Variants in RMST observed in about 807,000 individuals in gnomAD.
RMST encodes the protein long intergenic non-protein coding RNA 54.
At chr12:97,512,000 CAGTG>C (rs1351639304) in intron 10 of RMST, among the ~76,000 whole-genome samples, 6 of 152,210 alleles carry the variant, frequency 3.9e-5, no homozygotes, top group Admixed American at 3.9e-4. Context: ...CGGACCCTCG[CAGTG>C]AGTGTTACAG....
chr12:97,503,408 G>A (rs1185266727), intron 10 of RMST, among the ~76,000 whole-genome samples: 6 of 147,842 alleles, frequency 4.1e-5, no homozygotes, highest in African/African-American at 1.5e-4. Context: ...TGAGATTAGA[G>A]AATTTCAAAA....
chr12:97,507,883 A>T (rs1878872267), intron 10 of RMST, among the ~76,000 whole-genome samples: 1 of 152,188 alleles, frequency 6.6e-6, no homozygotes, highest in Admixed American at 6.5e-5. Context: ...AGCTCACATT[A>T]AAAGAAAGTA....
chr12:97,545,409 C>T (rs1274878957), intron 11 of RMST, among the ~76,000 whole-genome samples: 1 of 152,040 alleles, frequency 6.6e-6, no homozygotes, highest in Non-Finnish European at 1.5e-5. Flanking sequence ...AGATGTCCTT[C>T]ACAATGATAA....
intron 3 of RMST, chr12:97,463,102 A>G (rs565864075): frequency 6.6e-6 from 1 of 151,290 alleles, no homozygotes; most frequent in East Asian, 2.0e-4. Flanking sequence ...AAGCACACAC[A>G]TACACAAGCG....
At chr12:97,559,997 T>G (rs1884007432) in intron 11 of RMST, among the ~76,000 whole-genome samples, 1 of 152,192 alleles carries the variant, frequency 6.6e-6, no homozygotes, top group Non-Finnish European at 1.5e-5. Context: ...AAAACAGGAT[T>G]TGTTACCTTG....
intron 13 of RMST, among the ~76,000 whole-genome samples, chr12:97,562,246 C>T (rs1362823132): frequency 6.6e-6 from 1 of 152,202 alleles, no homozygotes; most frequent in Non-Finnish European, 1.5e-5. Context: ...GCTGCCTTCC[C>T]ATGTATCCAC....
rs190677154 is a variant in RMST at position 97,533,290 on chromosome 12, G to A, written n.1545+2431G>A. 3 of 151,908 alleles carry A rather than the reference G, an allele frequency of 2.0e-5. No homozygotes were observed. In the East Asian group the frequency reaches 5.8e-4, roughly 30 times the overall value. 9.4% of individuals were successfully genotyped at this position (151,908 alleles called of 1,614,324 possible). On this transcript the variant is annotated intron_variant and non_coding_transcript_variant, in intron 11 of 13. Coordinates refer to ENST00000640149, the Ensembl canonical transcript of RMST. ...GAAGGGGTTAGGAATAAATAACAAT[G>A]ACATCTCTATTCTAGTTCAGTGCCA...
chr12:97,553,050 G>A (rs1255273230), intron 11 of RMST, among the ~76,000 whole-genome samples: 8 of 152,126 alleles, frequency 5.3e-5, no homozygotes, highest in African/African-American at 1.9e-4. Context: ...TATTGCTGGG[G>A]ATACATTTTG....
chr12:97,466,367 G>T (rs1873186304), intron 5 of RMST, among the ~76,000 whole-genome samples: 1 of 152,052 alleles, frequency 6.6e-6, no homozygotes, highest in Non-Finnish European at 1.5e-5. Flanking sequence ...CTTTACTTGG[G>T]TTTCTTACTT....
chr12:97,469,926 T>A lies in RMST; in HGVS notation n.644+4199T>A, dbSNP rs190471983. On this transcript the variant is annotated intron_variant and non_coding_transcript_variant, in intron 5 of 13. Coordinates refer to ENST00000640149, the Ensembl canonical transcript of RMST. ...AAATGTCAAACCTTTTTAGATCTCA[T>A]ACCATTTGGCTTCAGTCCTTCTTTC... Among the ~76,000 whole-genome samples the A allele has an allele frequency of 4.1e-3, 628 of 152,256 alleles. 3 individuals are homozygous for A. Among genetic ancestry groups the A allele is most frequent in the Non-Finnish European group, 7.4e-3 (500 of 68,008 alleles).
intron 10 of RMST, among the ~76,000 whole-genome samples, chr12:97,522,302 T>C (rs1016531259): frequency 6.6e-6 from 1 of 152,234 alleles, no homozygotes; most frequent in African/African-American, 2.4e-5. Context: ...TACTTTCTTA[T>C]TACTTCCTAA....
chr12:97,551,299 A>G (rs1373418388), intron 11 of RMST, among the ~76,000 whole-genome samples: 2 of 148,214 alleles, frequency 1.3e-5, no homozygotes, highest in African/African-American at 5.2e-5. Context: ...AAAGGTAGAT[A>G]AAGGAGAAAA....
intron 11 of RMST, among the ~76,000 whole-genome samples, chr12:97,555,632 A>G (rs1488722070): frequency 1.3e-5 from 2 of 152,216 alleles, no homozygotes; most frequent in African/African-American, 4.8e-5. Flanking sequence ...AGAGAACAAA[A>G]TAAGAGAGAT....
intron 11 of RMST, among the ~76,000 whole-genome samples, chr12:97,548,251 T>C (rs1883079066): frequency 6.6e-6 from 1 of 152,270 alleles, no homozygotes; most frequent in Non-Finnish European, 1.5e-5. Context: ...CATTGGTCTA[T>C]GCATTTGTTT....
chr12:97,470,489 G>A (rs1873786625), intron 5 of RMST, among the ~76,000 whole-genome samples: 1 of 151,908 alleles, frequency 6.6e-6, no homozygotes, highest in South Asian at 2.1e-4. Context: ...TGCAGGGAAG[G>A]AGAAAATAAT....
intron 10 of RMST, among the ~76,000 whole-genome samples, chr12:97,521,434 A>ATATG (rs746802239): frequency 1.3e-5 from 2 of 152,158 alleles, no homozygotes; most frequent in African/African-American, 2.4e-5. Context: ...CCCAACATAT[A>ATATG]TATGTATGTA....
At chr12:97,480,197 C>T (rs1464392486) in intron 5 of RMST, among the ~76,000 whole-genome samples, 1 of 151,038 alleles carries the variant, frequency 6.6e-6, no homozygotes, top group Non-Finnish European at 1.5e-5. Flanking sequence ...TCATGCCATT[C>T]TCTTGCCTCA....
intron 6 of RMST, chr12:97,492,953 TAA>T (rs1487896907): frequency 6.6e-6 from 1 of 152,198 alleles, no homozygotes; most frequent in Non-Finnish European, 1.5e-5. Context: ...ATTTGCAATA[TAA>T]GAGTTAGCTG....
intron 10 of RMST, among the ~76,000 whole-genome samples, chr12:97,499,187 C>T (rs955164015): frequency 1.3e-5 from 2 of 152,102 alleles, no homozygotes; most frequent in Non-Finnish European, 2.9e-5. Context: ...ACCTTAAACA[C>T]AAACTGTAAT....
Sources: gnomAD v4.1 joint callset for allele counts (sites outside exome capture counted in the v4.1 genomes callset) on GRCh38, gnomAD v4.1.1 for gene constraint, MANE v1.5 for transcripts, NCBI Gene and HGNC (gene_info 2026-07-23, HGNC 2026-07-21) for gene names.